RNF38: variants seen among roughly 807,000 people sequenced by gnomAD.
RNF38 encodes ring finger protein 38.
In RNF38, 15 loss-of-function variants were observed where a neutral mutation model predicts 67.2. That is an observed-to-expected ratio of 0.22 (90% CI 0.15 to 0.34). RNF38 has a LOEUF of 0.34. RNF38 is among the 10% of genes least tolerant of loss of function. The probability of loss-of-function intolerance (pLI) is 1.00; values close to 1 mark genes in which losing one functional copy is unlikely to be tolerated. For synonymous variants in RNF38, 220 were observed against 218.8 expected (o/e 1.01, Z -0.05); for missense variants, 524 against 639.9 (o/e 0.82, Z 1.95).
intron 1 of RNF38, among the ~76,000 whole-genome samples, chr9:36,483,335 G>T (rs1408564071): frequency 6.6e-6 from 1 of 151,972 alleles, no homozygotes; most frequent in East Asian, 1.9e-4. Context: ...GCAGTGAGCC[G>T]AGATTGCGCC....
chr9:36,450,357 T>C (rs1239851054), intron 1 of RNF38, among the ~76,000 whole-genome samples: 1 of 152,152 alleles, frequency 6.6e-6, no homozygotes, highest in Non-Finnish European at 1.5e-5. Context: ...ATGGCTGCCC[T>C]AAATTGGGAG....
chr9:36,470,254 T>C (rs1839965767), intron 1 of RNF38, among the ~76,000 whole-genome samples: 1 of 152,176 alleles, frequency 6.6e-6, no homozygotes, highest in Admixed American at 6.5e-5. Context: ...CACCATCACC[T>C]GATGCCTTGC....
At chr9:36,358,279 AT>A (rs1438406565) in intron 4 of RNF38, among the ~76,000 whole-genome samples, 1 of 152,200 alleles carries the variant, frequency 6.6e-6, no homozygotes, top group East Asian at 1.9e-4. Context: ...ATCTTCCATT[AT>A]TTGGTCACAT....
In RNF38 at chr9:36,344,911, G is replaced by T. The variant is rs1563994521; in HGVS notation, c.1306C>A (p.Arg436Ser). 1 of 1,613,960 alleles carries T rather than the reference G, an allele frequency of 6.2e-7. No homozygotes were observed. The change falls in exon 10 of 12, where the codon CGT becomes AGT. Residue 436 changes from arginine to serine, a missense_variant. Arg to Ser is a moderately radical substitution (Grantham distance 110). This residue lies in a region of RNF38 where 63 missense variants were observed against 122.5 expected (regional missense o/e 0.51). Coordinates refer to ENST00000259605, the MANE Select transcript of RNF38 (RefSeq NM_022781.5). ...LAERLGEAKP[R>S]GLTKADIEQL... is the part of the protein sequence containing the mutation. ...TCAATATCTGCTTTAGTCAGTCCAC[G>T]AGGCTTTGCCTCTCCCAGTCGCTCT...
intron 2 of RNF38, among the ~76,000 whole-genome samples, chr9:36,384,589 G>A (rs771912202): frequency 3.9e-5 from 6 of 152,164 alleles, no homozygotes; most frequent in Non-Finnish European, 8.8e-5. Context: ...TCCACCAGAT[G>A]TATTAGGTGA....
At chr9:36,443,053 T>C (rs1345387760) in intron 1 of RNF38, among the ~76,000 whole-genome samples, 1 of 152,228 alleles carries the variant, frequency 6.6e-6, no homozygotes. Flanking sequence ...AAAAGAGGTG[T>C]CCATCCCCCA....
intron 2 of RNF38, among the ~76,000 whole-genome samples, chr9:36,414,690 A>AT (rs1838415582): frequency 6.7e-6 from 1 of 149,698 alleles, no homozygotes; most frequent in South Asian, 2.2e-4. Context: ...CTGTCTCCAA[A>AT]AAAAAAAAAA....
rs563174661 is a variant in RNF38 at position 36,409,286 on chromosome 9, G to T, written n.312+15327C>A. Among the ~76,000 whole-genome samples the T allele has an allele frequency of 1.0e-4, 15 of 144,382 alleles. No individual in the cohort carries two copies. The South Asian group carries it at 3.4e-3, about 32-fold the overall frequency. The allele number at this position is 144,382 out of a possible 152,430, so 94.7% of individuals were successfully genotyped here. A position where few individuals can be genotyped will look rare whatever the true frequency, so the allele number is the denominator to read the frequency against. On this transcript the variant is annotated intron_variant and non_coding_transcript_variant, in intron 2 of 3. Coordinates refer to the RNF38 transcript ENST00000488058. Reference sequence around the variant, plus strand: ...GGAAGGAAAGAAGGAAAGAAAGAAAGAAAAGAAAGAGAGAGAAAGAAAAAG... The same window carrying T: ...GGAAGGAAAGAAGGAAAGAAAGAAATAAAAGAAAGAGAGAGAAAGAAAAAG...
In RNF38 at chr9:36,397,952, TCTCTCC is replaced by T. The variant is rs968726394; in HGVS notation, c.12+2139_12+2144del. Among the ~76,000 whole-genome samples, 9 of 152,198 alleles carry T rather than the reference TCTCTCC, an allele frequency of 5.9e-5. No homozygotes were observed. In the East Asian group the frequency reaches 7.7e-4, roughly 13 times the overall value. ...CAAACCAATAAAAAATTTTATACAC[TCTCTCC>T]CTCTCCCTCTCTCCAAACACACACA... On this transcript the variant is annotated intron_variant, in intron 1 of 11. Transcript: ENST00000259605.
rs563686874 is a variant in RNF38, at chr9:36,393,522, T to TGG, written c.13-2908_13-2907dup. Among the ~76,000 whole-genome samples the TGG allele has an allele frequency of 1.1e-3, 137 of 124,556 alleles. 1 individual carries two copies. The highest frequency in any genetic ancestry group is 3.9e-3 in the African/African-American group (129 of 32,742). The allele number at this position is 124,556 out of a possible 152,430, so 81.7% of individuals were successfully genotyped here. A position where few individuals can be genotyped will look rare whatever the true frequency, so the allele number is the denominator to read the frequency against. On this transcript the variant is annotated intron_variant, in intron 1 of 11. Coordinates refer to ENST00000259605, the MANE Select transcript of RNF38 (RefSeq NM_022781.5). ...GTGTGTGTGTGTGTGTGTGTGTGTG[T>TGG]GGGGCAGGCAGTCCCATACATAGGT...
intron 5 of RNF38, 39 bp from the exon 6 acceptor site, chr9:36,356,512 G>A: frequency 6.8e-7 from 1 of 1,474,800 alleles, no homozygotes; most frequent in Middle Eastern, 1.9e-4. Flanking sequence ...AAAAATATCA[G>A]AATATATGAT....
At chr9:36,426,355 A>G (rs1443766730) in intron 1 of RNF38, among the ~76,000 whole-genome samples, 2 of 152,146 alleles carry the variant, frequency 1.3e-5, no homozygotes, top group East Asian at 3.8e-4. Flanking sequence ...AGCCACTGAC[A>G]ACCACCACTC....
chr9:36,400,243 T>C lies in RNF38; in HGVS notation c.-135A>G, dbSNP rs974580201. On this transcript the variant is annotated 5_prime_UTR_variant, in exon 1 of 12. Coordinates refer to ENST00000259605, the MANE Select transcript of RNF38 (RefSeq NM_022781.5). ...TCCCCTGAGAACAAAACGCAGCCTA[T>C]CCAGAAACCCACGGAAGCAGAAGGA... 3.7e-5 allele frequency: 52 copies of C among 1,398,910 alleles called. No individual in the cohort carries two copies. The East Asian group carries it at 1.3e-3, about 35-fold the overall frequency. 86.7% of individuals were successfully genotyped at this position (1,398,910 alleles called of 1,614,324 possible).
chr9:36,397,274 C>T (rs1467606955), intron 1 of RNF38, among the ~76,000 whole-genome samples: 1 of 151,672 alleles, frequency 6.6e-6, no homozygotes, highest in East Asian at 1.9e-4. Context: ...TCACCACACC[C>T]GACTAATTTT....
At chr9:36,372,415 GTTCT>G (rs1417322062) in intron 3 of RNF38, 19 of 603,260 alleles carry the variant, frequency 3.1e-5, no homozygotes, top group African/African-American at 2.8e-4. Context: ...TTTATTCACA[GTTCT>G]TTGTTTTATT....
At chr9:36,475,484 A>C (rs1208075902) in intron 1 of RNF38, among the ~76,000 whole-genome samples, 1 of 151,532 alleles carries the variant, frequency 6.6e-6, no homozygotes, top group East Asian at 2.0e-4. Context: ...CAGCCTCCCA[A>C]GGAGCTGGGA....
At chr9:36,340,277 C>A (rs1486915182) in intron 11 of RNF38, among the ~76,000 whole-genome samples, 1 of 152,190 alleles carries the variant, frequency 6.6e-6, no homozygotes, top group East Asian at 1.9e-4. Context: ...CTGCGCCTGG[C>A]CGCCATGAAT....
exon 1 of RNF38, chr9:36,487,327 G>A (rs1840441757): frequency 1.0e-6 from 1 of 985,250 alleles, no homozygotes. Context: ...GCGCTCGGCC[G>A]CAGGCGCCGC....
intron 2 of RNF38, among the ~76,000 whole-genome samples, chr9:36,415,710 G>C (rs1182419792): frequency 6.6e-6 from 1 of 152,160 alleles, no homozygotes; most frequent in Non-Finnish European, 1.5e-5. Context: ...TGCTCCGATG[G>C]AGGTAGCAGG....
Sources: allele counts gnomAD v4.1 joint callset (sites outside exome capture counted in the v4.1 genomes callset), GRCh38; gene constraint gnomAD v4.1.1; regional missense constraint gnomAD v4.1.1; transcripts MANE v1.5; gene names NCBI Gene and HGNC (gene_info 2026-07-23, HGNC 2026-07-21).